CFAP74: variants seen among roughly 807,000 people sequenced by gnomAD.
The protein encoded by CFAP74 is cilia and flagella associated protein 74.
A neutral mutation model predicts 188.9 loss-of-function variants in CFAP74; 124 were observed. That is an observed-to-expected ratio of 0.66 (90% CI 0.57 to 0.76). The LOEUF (loss-of-function observed/expected upper bound fraction) is 0.76, where lower values mean the gene tolerates loss of function less well. Among genes scored for constraint, CFAP74 ranks in the 30% least tolerant of loss-of-function variants. CFAP74 has a pLI of 0.00. For missense variants in CFAP74, 2,198 were observed against 2,165.2 expected (o/e 1.02, Z -0.30); for synonymous variants, 956 against 916.7 (o/e 1.04, Z -0.77).
At chr1:1,930,019 G>A (rs1445642358) in intron 26 of CFAP74, 41 bp downstream of exon 26, 3 of 1,477,418 alleles carry the variant, frequency 2.0e-6, no homozygotes, top group Non-Finnish European at 2.7e-6. Flanking sequence ...AGGTGGCGTG[G>A]AGCTCCTGCT....
At chr1:1,988,118 T>C (rs772967695) in intron 4 of CFAP74, 11 of 475,134 alleles carry the variant, frequency 2.3e-5, no homozygotes, top group South Asian at 4.6e-5. Flanking sequence ...TGAATGTTTT[T>C]AGTTTTTAGG....
At chr1:1,981,677 C>A (rs868778289) in intron 6 of CFAP74, among the ~76,000 whole-genome samples, 210 of 54,218 alleles carry the variant, frequency 3.9e-3, no homozygotes, top group Non-Finnish European at 5.3e-3. Flanking sequence ...CGCAGGACAC[C>A]CAGCCGCGGA....
intron 9 of CFAP74, among the ~76,000 whole-genome samples, chr1:1,971,293 A>G (rs986058848): frequency 1.3e-5 from 2 of 148,684 alleles, no homozygotes; most frequent in Non-Finnish European, 3.0e-5. Flanking sequence ...ACGTGCACAT[A>G]CACGCTCACA....
chr1:1,992,217 T>C (rs1657627537), intron 1 of CFAP74, among the ~76,000 whole-genome samples: 1 of 152,048 alleles, frequency 6.6e-6, no homozygotes, highest in Admixed American at 6.6e-5. Flanking sequence ...CAGGCTGGAG[T>C]GCAGTGACAC....
chr1:1,933,113 C>T (rs1652551084), intron 25 of CFAP74, among the ~76,000 whole-genome samples: 1 of 151,578 alleles, frequency 6.6e-6, no homozygotes, highest in South Asian at 2.1e-4. Flanking sequence ...GTCTTGATCT[C>T]CTGACCTCGT....
In CFAP74 at chr1:1,975,865, C is replaced by T. The variant is rs1656404321; in HGVS notation, c.501-1667G>A. ...AGTGGCCGTGGGAGCTAACAGCCTG[C>T]AGGGTCTCTTAGTAAAGAGGCAAGA... On this transcript the variant is annotated intron_variant, in intron 6 of 38. Coordinates refer to ENST00000682832, the MANE Select transcript of CFAP74 (RefSeq NM_001304360.2). This position sits in a 1 kb window ranked among gnomAD's most constrained non-coding sequence, Gnocchi z 4.5. 6.6e-6 allele frequency among the ~76,000 whole-genome samples: 1 copy of T among 152,220 alleles called. No individual in the cohort carries two copies. Among genetic ancestry groups the T allele is most frequent in the Non-Finnish European group, 1.5e-5 (1 of 68,042 alleles).
At chr1:1,988,470 G>T in intron 4 of CFAP74, 42 bp downstream of exon 4, 1 of 1,602,998 alleles carries the variant, frequency 6.2e-7, no homozygotes, top group South Asian at 1.1e-5. Flanking sequence ...GGCCTGGGGG[G>T]CATCAAGAGG....
rs777113250 is a variant in CFAP74 at position 1,942,060 on chromosome 1, C to T, written c.2583G>A (p.Ser861=). The T allele has an allele frequency of 1.2e-4, 181 of 1,530,638 alleles. No individual in the cohort carries two copies. The highest frequency in any genetic ancestry group is 1.5e-4 in the Non-Finnish European group (174 of 1,144,800). 94.8% of individuals were successfully genotyped at this position (1,530,638 alleles called of 1,614,324 possible). ...GGAACTTGAGCTGCACGGAGTAGGA[C>T]GACTGTGCCTGGATATAGCCTGTCT... ...LPKTGYIQAQ[S]SYSVQLKFLP... is the part of the protein sequence containing the mutation. The change falls in exon 22 of 39, where the codon TCG becomes TCA. Residue 861 remains serine, a synonymous_variant. Coordinates refer to ENST00000682832, the MANE Select transcript of CFAP74 (RefSeq NM_001304360.2). This position sits in a 1 kb window ranked among gnomAD's most constrained non-coding sequence, Gnocchi z 4.3.
At chr1:1,971,176 C>G (rs980709835) in intron 9 of CFAP74, among the ~76,000 whole-genome samples, 2 of 151,798 alleles carry the variant, frequency 1.3e-5, no homozygotes, top group Admixed American at 6.6e-5. Context: ...TGCACACCTG[C>G]ACACACGTGC....
rs970882279 is a variant in CFAP74, at chr1:1,986,767, C to G, written c.395+170G>C. ...ATCCAGCCCCAGTGCCCTCCAGGCC[C>G]CAGCAGTGCCGACCTCACATGCTTC... On this transcript the variant is annotated intron_variant, in intron 5 of 38. Transcript: ENST00000682832. Among the ~76,000 whole-genome samples the G allele has an allele frequency of 7.2e-5, 11 of 152,250 alleles. 1 individual carries two copies. The highest frequency in any genetic ancestry group is 1.3e-4 in the Admixed American group (2 of 15,292).
intron 20 of CFAP74, among the ~76,000 whole-genome samples, chr1:1,944,656 G>A (rs1489657197): frequency 1.3e-5 from 2 of 152,220 alleles, no homozygotes; most frequent in African/African-American, 2.4e-5. Flanking sequence ...GCCCAGGCTG[G>A]AGTGCAATGG....
At chr1:2,001,302 T>G (rs531787161) in intron 1 of CFAP74, among the ~76,000 whole-genome samples, 5 of 152,114 alleles carry the variant, frequency 3.3e-5, no homozygotes, top group African/African-American at 1.2e-4. Context: ...TACAAAATGC[T>G]TGTGTTTTTG....
chr1:2,001,618 A>G (rs983120379), intron 1 of CFAP74, among the ~76,000 whole-genome samples: 2 of 152,050 alleles, frequency 1.3e-5, no homozygotes, highest in South Asian at 2.1e-4. Context: ...GAGCCACTGC[A>G]CCCGGCCAAA....
chr1:1,981,825 G>A (rs572326279), intron 6 of CFAP74, among the ~76,000 whole-genome samples: 2 of 138,582 alleles, frequency 1.4e-5, no homozygotes, highest in South Asian at 4.6e-4. Flanking sequence ...ACCCAACCGC[G>A]GACAGACACG....
At position 1,990,976 on chromosome 1, in the gene CFAP74, C is replaced by T; in HGVS notation, c.-19-1G>A. 2.5e-6 allele frequency: 4 copies of T among 1,597,566 alleles called. No homozygotes were observed. Among genetic ancestry groups the T allele is most frequent in the Non-Finnish European group, 2.6e-6 (3 of 1,172,658 alleles). The stretch of plus-strand genomic sequence containing the variant: ...CTCCATGCTGGGAGATAGAAATTAG[C>T]TGCAAAAGATGATCGCAAAATATAG... On this transcript the variant is annotated splice_acceptor_variant, in intron 1 of 38. Coordinates refer to ENST00000682832, the MANE Select transcript of CFAP74 (RefSeq NM_001304360.2). LOFTEE classifies it low-confidence loss of function (5UTR_SPLICE).
intron 28 of CFAP74, 177 bp from the exon 29 acceptor site, chr1:1,927,205 A>C: frequency 8.6e-6 from 6 of 701,396 alleles, no homozygotes; most frequent in African/African-American, 1.8e-5. Context: ...TGGGGGTCTC[A>C]TCACTCACTT....
rs774367246 is a variant in CFAP74 at position 1,985,422 on chromosome 1, A to G, written c.464T>C (p.Leu155Pro). The change falls in exon 6 of 39, where the codon CTG becomes CCG. Residue 155 changes from leucine (L) to proline (P), a missense_variant. Leu to Pro is a moderately conservative substitution (Grantham distance 98, BLOSUM62 -3). Coordinates refer to ENST00000682832, the MANE Select transcript of CFAP74 (RefSeq NM_001304360.2). ...LFAELENERD[L>P]QSRTEAVLKE... ...CAGCACGGCCTCAGTCCTCGACTGCAGGTCTCTCTCGTTCTCCAGCTCTGC... is the reference window on the plus strand; with the variant it reads ...CAGCACGGCCTCAGTCCTCGACTGCGGGTCTCTCTCGTTCTCCAGCTCTGC... The G allele has an allele frequency of 1.2e-6, 2 of 1,614,094 alleles. No homozygotes were observed. The highest frequency in any genetic ancestry group is 2.2e-5 in the South Asian group (2 of 91,092).
chr1:1,925,113 C>T (rs1319382824), intron 33 of CFAP74, among the ~76,000 whole-genome samples: 1 of 148,984 alleles, frequency 6.7e-6, no homozygotes, highest in Non-Finnish European at 1.5e-5. Flanking sequence ...GGCATGAGGG[C>T]ACACGCTGGT....
intron 17 of CFAP74, among the ~76,000 whole-genome samples, chr1:1,956,349 G>A (rs1373167292): frequency 6.6e-6 from 1 of 152,116 alleles, no homozygotes; most frequent in African/African-American, 2.4e-5. Flanking sequence ...TGGGGCCCTC[G>A]GGCCTGGAGC....
Sources: gnomAD v4.1 joint callset for allele counts (sites outside exome capture counted in the v4.1 genomes callset) on GRCh38, gnomAD v4.1.1 for gene constraint, Gnocchi (gnomAD v3.1) non-coding constraint, MANE v1.5 for transcripts, NCBI Gene and HGNC (gene_info 2026-07-23, HGNC 2026-07-21) for gene names.